Variants in LAMC1 observed in about 807,000 individuals in gnomAD.
LAMC1 encodes laminin subunit gamma 1, also known as laminin subunit gamma-1.
In LAMC1, 38 loss-of-function variants were observed where a neutral mutation model predicts 173.6. The ratio of observed to expected loss-of-function variants is 0.22; its 90% CI spans 0.17 to 0.29. The LOEUF (loss-of-function observed/expected upper bound fraction) is 0.29, where lower values mean the gene tolerates loss of function less well. LAMC1 is among the 10% of genes least tolerant of loss of function. LAMC1 has a pLI of 1.00. For missense variants in LAMC1, 1,824 were observed against 2,051.8 expected (o/e 0.89, Z 2.14); for synonymous variants, 746 against 749.1 (o/e 1.00, Z 0.07).
chr1:183,076,156 A>G (rs1028731772), intron 1 of LAMC1, among the ~76,000 whole-genome samples: 3 of 152,156 alleles, frequency 2.0e-5, no homozygotes, highest in Admixed American at 2.0e-4. Flanking sequence ...TTCTTTAGCA[A>G]TTCCTTTCCA....
intron 1 of LAMC1, among the ~76,000 whole-genome samples, chr1:183,061,107 G>T (rs1284214527): frequency 6.6e-6 from 1 of 152,152 alleles, no homozygotes; most frequent in South Asian, 2.1e-4. Flanking sequence ...GGGTGATGTC[G>T]ATCAGAAAGG....
chr1:183,100,911 A>G (rs547784921), intron 1 of LAMC1, among the ~76,000 whole-genome samples: 1 of 152,288 alleles, frequency 6.6e-6, no homozygotes, highest in South Asian at 2.1e-4. Context: ...CCAGGCCAGC[A>G]CCTGCAAGTA....
At chr1:183,113,790 T>C (rs1656236282) in intron 4 of LAMC1, among the ~76,000 whole-genome samples, 2 of 152,222 alleles carry the variant, frequency 1.3e-5, no homozygotes, top group South Asian at 2.1e-4. Flanking sequence ...TTGACTCATC[T>C]GAGGCCTAAA....
chr1:183,104,986 A>G (rs1655932430), intron 2 of LAMC1, among the ~76,000 whole-genome samples: 1 of 151,564 alleles, frequency 6.6e-6, no homozygotes, highest in Non-Finnish European at 1.5e-5. Context: ...AGGCAGGTGG[A>G]TCACTTGAGG....
At chr1:183,119,050 C>T (rs1271923949) in intron 11 of LAMC1, among the ~76,000 whole-genome samples, 3 of 152,022 alleles carry the variant, frequency 2.0e-5, no homozygotes, top group East Asian at 1.9e-4. Context: ...GCACGCCCCA[C>T]CACACCCAGC....
intron 1 of LAMC1, among the ~76,000 whole-genome samples, chr1:183,086,494 A>G (rs775416319): frequency 1.4e-5 from 2 of 145,978 alleles, no homozygotes; most frequent in Non-Finnish European, 3.1e-5. Flanking sequence ...CCTCGTGGCT[A>G]GATGTGGATA....
rs1185365585 is a variant in LAMC1, at chr1:183,130,408, C to T, written c.3345C>T (p.Ser1115=). 6.2e-7 allele frequency: 1 copy of T among 1,613,982 alleles called. No individual in the cohort carries two copies. Among genetic ancestry groups the T allele is most frequent in the Non-Finnish European group, 8.5e-7 (1 of 1,179,980 alleles). ...ATAACACTCTGTCCAGCCAAATTAGCCGTTTACAGAATATCCGGAATACCA... is the reference window on the plus strand; with the variant it reads ...ATAACACTCTGTCCAGCCAAATTAGTCGTTTACAGAATATCCGGAATACCA... ...RVNNTLSSQI[S]RLQNIRNTIE... Residue 1115 remains serine (S), a synonymous_variant, in exon 19 of 28, where the codon AGC becomes AGT. Coordinates refer to ENST00000258341, the MANE Select transcript of LAMC1 (RefSeq NM_002293.4).
intron 21 of LAMC1, 76 bp downstream of exon 21, chr1:183,132,613 T>G (rs1656828956): frequency 8.7e-7 from 1 of 1,153,038 alleles, no homozygotes; most frequent in Non-Finnish European, 1.3e-6. Context: ...AAAAATTAAA[T>G]GCTGGTGCAT....
chr1:183,126,739 CA>C (rs1222335110), intron 16 of LAMC1, among the ~76,000 whole-genome samples: 1 of 152,212 alleles, frequency 6.6e-6, no homozygotes, highest in Non-Finnish European at 1.5e-5. Flanking sequence ...AATTGGGCCT[CA>C]GAACAGATTG....
At chr1:183,081,372 C>T (rs1002221711) in intron 1 of LAMC1, among the ~76,000 whole-genome samples, 11 of 151,736 alleles carry the variant, frequency 7.2e-5, no homozygotes, top group East Asian at 3.9e-4. Context: ...CTGAGGCAGA[C>T]GGATCACTTG....
chr1:183,100,117 T>C (rs1212227504), intron 1 of LAMC1, among the ~76,000 whole-genome samples: 1 of 152,188 alleles, frequency 6.6e-6, no homozygotes. Context: ...CTATCGCCTT[T>C]GTAGTACATC....
chr1:183,024,131 C>G lies in LAMC1; in HGVS notation c.415C>G (p.Leu139Val). The change falls in exon 1 of 28, where the codon CTG becomes GTG. Residue 139 changes from leucine (L) to valine (V), a missense_variant. By Grantham distance (32) the Leu-to-Val change is conservative. Transcript: ENST00000258341. ...CAGCTCCATCAACCTCACGCTGCAC[C>G]TGGGTAAGCGGTGACAGCCCCGTCC... is the stretch of plus-strand genomic sequence containing the variant. ...YPSSINLTLHLGKAFDITYVR... is the reference protein window; with the variant it reads ...YPSSINLTLHVGKAFDITYVR... 6.3e-7 allele frequency: 1 copy of G among 1,575,432 alleles called. No homozygotes were observed. The highest frequency in any genetic ancestry group is 8.6e-7 in the Non-Finnish European group (1 of 1,160,284).
At chr1:183,076,615 A>G (rs146356480) in intron 1 of LAMC1, among the ~76,000 whole-genome samples, 1 of 152,286 alleles carries the variant, frequency 6.6e-6, no homozygotes, top group Non-Finnish European at 1.5e-5. Context: ...ACACCAGCAT[A>G]TCCTACCTTT....
intron 1 of LAMC1, among the ~76,000 whole-genome samples, chr1:183,029,615 C>T (rs1420419151): frequency 1.3e-5 from 2 of 152,218 alleles, no homozygotes; most frequent in East Asian, 3.9e-4. Context: ...TGTTAGGACT[C>T]CTTCCCCAGT....
At chr1:183,122,313 G>T (rs146873917) in intron 13 of LAMC1, 62 bp downstream of exon 13, 21 of 1,485,710 alleles carry the variant, frequency 1.4e-5, no homozygotes, top group African/African-American at 2.8e-5. Flanking sequence ...TAGGGGAAAG[G>T]GGCTTCGGAG....
At chr1:183,036,937 G>A (rs986298797) in intron 1 of LAMC1, among the ~76,000 whole-genome samples, 2 of 151,876 alleles carry the variant, frequency 1.3e-5, no homozygotes, top group African/African-American at 4.8e-5. Flanking sequence ...CACCACGCCC[G>A]GCTAATTTTT....
rs12095652 is a variant in LAMC1, at chr1:183,132,490, G to A, written c.3657G>A (p.Leu1219=). ...TEAYNLLLRT[L]AGENQTAFEI... is the part of the protein sequence containing the mutation. ...CATACAACCTGCTTCTGAGGACACT[G>A]GCAGGAGAAAATCAAACAGCATTTG... The change falls in exon 21 of 28, where the codon CTG becomes CTA. Residue 1219 remains leucine (L), a synonymous_variant. Coordinates refer to ENST00000258341, the MANE Select transcript of LAMC1 (RefSeq NM_002293.4). The A allele has an allele frequency of 5.2e-3, 8,382 of 1,613,690 alleles. 289 individuals are homozygous for A. In the African/African-American group the frequency reaches 0.086, roughly 17 times the overall value.
intron 1 of LAMC1, among the ~76,000 whole-genome samples, chr1:183,050,463 T>C (rs982609508): frequency 6.7e-6 from 1 of 150,118 alleles, no homozygotes; most frequent in African/African-American, 2.4e-5. Context: ...TTTGTATTTT[T>C]AGTAGAGAAG....
intron 1 of LAMC1, among the ~76,000 whole-genome samples, chr1:183,060,771 G>C (rs1047636621): frequency 4.6e-5 from 7 of 152,212 alleles, no homozygotes; most frequent in Non-Finnish European, 1.0e-4. Context: ...AGCAGAAGTA[G>C]AGAAGTTATC....
Sources: gnomAD v4.1 joint callset for allele counts (sites outside exome capture counted in the v4.1 genomes callset) on GRCh38, gnomAD v4.1.1 for gene constraint, MANE v1.5 for transcripts, NCBI Gene and HGNC (gene_info 2026-07-23, HGNC 2026-07-21) for gene names.